Variants in GBP5 observed in about 807,000 individuals in gnomAD.
GBP5 encodes guanylate binding protein 5, also known as guanylate-binding protein 5.
Under a neutral mutation model 58.2 loss-of-function variants are expected in GBP5, and 48 were observed. The observed-to-expected ratio is 0.83, with a 90% CI of 0.65 to 1.05. The LOEUF (loss-of-function observed/expected upper bound fraction) is 1.05. GBP5 is among the 50% of genes least tolerant of loss of function. GBP5 has a pLI of 0.00. For synonymous variants in GBP5, 248 were observed against 251.8 expected (o/e 0.98, Z 0.14); for missense variants, 714 against 686.8 (o/e 1.04, Z -0.44).
At chr1:89,266,248 A>G in intron 7 of GBP5, 98 bp downstream of exon 7, 2 of 1,010,784 alleles carry the variant, frequency 2.0e-6, no homozygotes, top group South Asian at 1.6e-5. Context: ...GCAATTGCCT[A>G]TGCATTTGTC....
At chr1:89,265,551 A>T (rs1410142819) in intron 7 of GBP5, among the ~76,000 whole-genome samples, 1 of 151,052 alleles carries the variant, frequency 6.6e-6, no homozygotes, top group Non-Finnish European at 1.5e-5. Flanking sequence ...ACACGGTGAA[A>T]CCCCACCTCT....
chr1:89,262,944 C>A (rs932548736), intron 9 of GBP5, 159 bp from the exon 10 acceptor site: 1 of 489,516 alleles, frequency 2.0e-6, no homozygotes, highest in African/African-American at 2.0e-5. Flanking sequence ...CAGGCTTCCA[C>A]CCTGCACTTG....
In GBP5 at chr1:89,260,463, T is replaced by TA. The variant is rs750524867; in HGVS notation, c.*240dup. The TA allele has an allele frequency of 1.1e-5, 4 of 356,680 alleles. No individual in the cohort carries two copies. Among genetic ancestry groups the TA allele is most frequent in the Non-Finnish European group, 2.1e-5 (4 of 194,948 alleles). The allele number at this position is 356,680 out of a possible 1,614,324, so 22.1% of individuals were successfully genotyped here. A position where few individuals can be genotyped will look rare whatever the true frequency, so the allele number is the denominator to read the frequency against. On this transcript the variant is annotated 3_prime_UTR_variant, in exon 12 of 12. Coordinates refer to ENST00000370459, the MANE Select transcript of GBP5 (RefSeq NM_052942.5). ...TATCACGCATAAATGAAGGCAGTGA[T>TA]ACAATGTCCCTTATACAATTTATAA...
intron 4 of GBP5, among the ~76,000 whole-genome samples, 196 bp from the exon 5 acceptor site, chr1:89,267,722 A>T (rs1037491010): frequency 6.6e-6 from 1 of 152,224 alleles, no homozygotes; most frequent in African/African-American, 2.4e-5. Flanking sequence ...GTCCCTCTAC[A>T]TATTTGCAAA....
In GBP5 at chr1:89,257,468, A is replaced by G. The variant is rs541633188; in HGVS notation, c.*3236T>C. Among the ~76,000 whole-genome samples, 41 of 152,352 alleles carry G rather than the reference A, an allele frequency of 2.7e-4. 1 individual carries two copies. Among genetic ancestry groups the G allele is most frequent in the African/African-American group, 8.4e-4 (35 of 41,580 alleles). On this transcript the variant is annotated 3_prime_UTR_variant, in exon 12 of 12. Coordinates refer to ENST00000370459, the MANE Select transcript of GBP5 (RefSeq NM_052942.5). ...AAACCGTATCACTAAGCAAGATAAG[A>G]AAGTACCACAAGATGGTTATTAATG...
At position 89,267,459 on chromosome 1, in the gene GBP5, T is replaced by C. The variant is rs1172644413; in HGVS notation, c.386A>G (p.Asn129Ser). The change falls in exon 5 of 12, where the codon AAT (asparagine) becomes AGT (serine). Residue 129 changes from asparagine to serine, a missense_variant. By Grantham distance (46) the Asn-to-Ser change is conservative. Transcript: ENST00000370459. Reference protein sequence around the residue: ...ALLLSSTFVYNTVNKIDQGAI... With the variant: ...ALLLSSTFVYSTVNKIDQGAI... ...ACCCTGATCAATTTTGTTCACAGTA[T>C]TGTACACAAAGGTGCTGCTCAGTAA... 1 of 1,613,902 alleles carries C rather than the reference T, an allele frequency of 6.2e-7. No individual in the cohort carries two copies. The highest frequency in any genetic ancestry group is 8.5e-7 in the Non-Finnish European group (1 of 1,179,788).
rs1466524781 is a variant in GBP5, at chr1:89,258,415, T to A, written c.*2289A>T. Among the ~76,000 whole-genome samples, 1 of 152,202 alleles carries A rather than the reference T, an allele frequency of 6.6e-6. No homozygotes were observed. The highest frequency in any genetic ancestry group is 1.5e-5 in the Non-Finnish European group (1 of 68,030). On this transcript the variant is annotated 3_prime_UTR_variant, in exon 12 of 12. Coordinates refer to ENST00000370459, the MANE Select transcript of GBP5 (RefSeq NM_052942.5). ...TTACTGATAACATTTCCTTGGATGA[T>A]AAAATGTATTTTTTTCTTTATAAAT...
At position 89,267,442 on chromosome 1, in the gene GBP5, C is replaced by T. The variant is rs866769444; in HGVS notation, c.403G>A (p.Asp135Asn). ...TGCAGTAGGTCGATAGCACCCTGAT[C>T]AATTTTGTTCACAGTATTGTACACA... ...TFVYNTVNKI[D>N]QGAIDLLHNV... The change falls in exon 5 of 12, where the codon GAT (aspartate) becomes AAT (asparagine). Residue 135 changes from aspartate to asparagine, a missense_variant. Transcript: ENST00000370459. 6.8e-6 allele frequency: 11 copies of T among 1,613,272 alleles called. No homozygotes were observed. The Admixed American group carries it at 1.3e-4, about 20-fold the overall frequency.
intron 11 of GBP5, among the ~76,000 whole-genome samples, chr1:89,261,671 G>A (rs1650009956): frequency 6.6e-6 from 1 of 152,130 alleles, no homozygotes. Context: ...GAGAGTGCTT[G>A]GTAACTACTG....
At chr1:89,262,168 T>A (rs1269204146) in intron 11 of GBP5, 52 bp downstream of exon 11, 7 of 1,561,998 alleles carry the variant, frequency 4.5e-6, no homozygotes, top group Non-Finnish European at 6.2e-6. Context: ...TTGCCACTGC[T>A]ACATACTCTC....
intron 7 of GBP5, among the ~76,000 whole-genome samples, chr1:89,265,487 G>C (rs947264187): frequency 1.1e-4 from 17 of 151,700 alleles, no homozygotes; most frequent in African/African-American, 4.1e-4. Flanking sequence ...TGCAAAGTTT[G>C]GGAGGCTGAG....
chr1:89,267,232 T>G, intron 5 of GBP5, 79 bp from the exon 6 acceptor site: 1 of 1,262,974 alleles, frequency 7.9e-7, no homozygotes, highest in Admixed American at 2.3e-5. Context: ...CCCCAAACCT[T>G]TATTTTCCCC....
In GBP5 at chr1:89,264,912, G is replaced by C; in HGVS notation, c.923C>G (p.Pro308Arg). ...YVNAISSGDL[P>R]CIENAVLALA... ...GGCCAGGACTGCATTCTCTATGCAA[G>C]GCAGATCCCCACTGCTGATGGCATT... Residue 308 changes from proline (P) to arginine (R), a missense_variant, in exon 8 of 12, where the codon CCT (proline) becomes CGT (arginine). Pro to Arg is a moderately radical substitution (Grantham distance 103). Coordinates refer to ENST00000370459, the MANE Select transcript of GBP5 (RefSeq NM_052942.5). 1 of 1,614,202 alleles carries C rather than the reference G, an allele frequency of 6.2e-7. No homozygotes were observed. The highest frequency in any genetic ancestry group is 8.5e-7 in the Non-Finnish European group (1 of 1,180,014).
In GBP5 at chr1:89,264,847, T is replaced by A; in HGVS notation, c.988A>T (p.Ile330Phe). The change falls in exon 8 of 12, where the codon ATT becomes TTT. Residue 330 changes from isoleucine to phenylalanine, a missense_variant. Coordinates refer to ENST00000370459, the MANE Select transcript of GBP5 (RefSeq NM_052942.5). ...RENSAAVQKAIAHYDQQMGQK... is the reference protein window; with the variant it reads ...RENSAAVQKAFAHYDQQMGQK... ...CCCATTTGCTGGTCATAGTGGGCAA[T>A]GGCCTTTTGCACTGCAGCTGAGTTC... 1 of 1,614,246 alleles carries A rather than the reference T, an allele frequency of 6.2e-7. No homozygotes were observed.
intron 11 of GBP5, among the ~76,000 whole-genome samples, chr1:89,261,380 G>A (rs1424332597): frequency 6.6e-6 from 1 of 152,218 alleles, no homozygotes; most frequent in Non-Finnish European, 1.5e-5. Context: ...AAACTGGCAA[G>A]CCAAGGGGAA....
At chr1:89,271,626 C>A (rs1029907960) in intron 1 of GBP5, 7 of 152,142 alleles carry the variant, frequency 4.6e-5, no homozygotes, top group African/African-American at 1.7e-4. Context: ...GCTTATTTTG[C>A]ATAGTTTCTG....
intron 1 of GBP5, chr1:89,271,710 G>A (rs943469196): frequency 6.6e-6 from 1 of 152,210 alleles, no homozygotes; most frequent in African/African-American, 2.4e-5. Flanking sequence ...CAAAATGCTT[G>A]AAGTATGTGT....
chr1:89,266,718 C>A, intron 6 of GBP5, 130 bp from the exon 7 acceptor site: 2 of 915,868 alleles, frequency 2.2e-6, no homozygotes, highest in South Asian at 2.1e-5. Flanking sequence ...AAGTAAAAAG[C>A]AAAATGGTAA....
chr1:89,257,414 T>C lies in GBP5; in HGVS notation c.*3290A>G, dbSNP rs1007824878. 6.6e-6 allele frequency among the ~76,000 whole-genome samples: 1 copy of C among 152,172 alleles called. No individual in the cohort carries two copies. Among genetic ancestry groups the C allele is most frequent in the African/African-American group, 2.4e-5 (1 of 41,430 alleles). Reference sequence around the variant, plus strand: ...CACGTGGGCATTATGGGAGCCATAATTCAAGATGAGATTTGAGTGGACACA... The same window carrying C: ...CACGTGGGCATTATGGGAGCCATAACTCAAGATGAGATTTGAGTGGACACA... On this transcript the variant is annotated 3_prime_UTR_variant, in exon 12 of 12. Transcript: ENST00000370459.
Sources: gnomAD v4.1 joint callset for allele counts (sites outside exome capture counted in the v4.1 genomes callset) on GRCh38, gnomAD v4.1.1 for gene constraint, MANE v1.5 for transcripts, NCBI Gene and HGNC (gene_info 2026-07-23, HGNC 2026-07-21) for gene names.